The following C10orf67 variants were observed in gnomAD, a reference collection of about 807,000 sequenced individuals.
C10orf67 encodes the protein uncharacterized protein C10orf67, mitochondrial.
C10orf67 carries 60 observed loss-of-function variants against 35.6 expected under a neutral mutation model. That is an observed-to-expected ratio of 1.68 (90% CI 1.37 to 2.09). The LOEUF (loss-of-function observed/expected upper bound fraction) is 2.09, where lower values mean the gene tolerates loss of function less well. Ranked by LOEUF, C10orf67 falls within the 30% of genes most tolerant of loss-of-function variation. The probability of loss-of-function intolerance (pLI) is 0.00; values close to 1 mark genes in which losing one functional copy is unlikely to be tolerated. For synonymous variants in C10orf67, 167 were observed against 115.8 expected, an observed-to-expected ratio of 1.44 and a Z score of -2.84; for missense variants, 474 against 330.2, an observed-to-expected ratio of 1.44 and a Z score of -3.38.
At chr10:23,205,305 T>C (rs1177245727) in intron 15 of C10orf67, among the ~76,000 whole-genome samples, 1 of 152,206 alleles carries the variant, frequency 6.6e-6, no homozygotes, top group Non-Finnish European at 1.5e-5. Context: ...ATACAGAGCT[T>C]GTGAGATGCC....
At chr10:23,329,354 C>T (rs979985812) in intron 2 of C10orf67, among the ~76,000 whole-genome samples, 1 of 151,960 alleles carries the variant, frequency 6.6e-6, no homozygotes, top group African/African-American at 2.4e-5. Flanking sequence ...AATAGAAAAA[C>T]ATAACATCAA....
At chr10:23,280,210 C>T (rs1314460969) in intron 8 of C10orf67, among the ~76,000 whole-genome samples, 2 of 152,100 alleles carry the variant, frequency 1.3e-5, no homozygotes, top group Non-Finnish European at 2.9e-5. Context: ...TGACTTTTTG[C>T]ACTCTTAACA....
intron 12 of C10orf67, among the ~76,000 whole-genome samples, chr10:23,250,106 T>C (rs1414676960): frequency 1.3e-5 from 2 of 152,260 alleles, no homozygotes; most frequent in East Asian, 3.9e-4. Flanking sequence ...ATAAAGACAA[T>C]ACAAACTAGT....
Position 23,250,673 on chromosome 10 carries a change from A to T in C10orf67, c.1219T>A (p.Leu407Met), listed in dbSNP as rs1346140912. The T allele has an allele frequency of 1.0e-5, 4 of 398,628 alleles. No individual in the cohort carries two copies. The highest frequency in any genetic ancestry group is 1.8e-5 in the Non-Finnish European group (4 of 225,864). The allele number at this position is 398,628 out of a possible 1,614,324, so 24.7% of individuals were successfully genotyped here. Reference protein sequence around the residue: ...DQAVVEDKHGLESQIEALKAN... With the variant: ...DQAVVEDKHGMESQIEALKAN... Reference sequence around the variant, plus strand: ...TTTAATGCTTCTATTTGAGACTCCAAACCATGTTTGTCTTCAACCTTTCAA... The same window carrying T: ...TTTAATGCTTCTATTTGAGACTCCATACCATGTTTGTCTTCAACCTTTCAA... Residue 407 changes from leucine to methionine, a missense_variant, in exon 11 of 16, where the codon TTG (leucine) becomes ATG (methionine). Leu to Met is a conservative substitution (Grantham distance 15, BLOSUM62 2). Transcript: ENST00000636213.
chr10:23,237,847 C>T (rs1842088561), intron 13 of C10orf67, among the ~76,000 whole-genome samples: 1 of 152,174 alleles, frequency 6.6e-6, no homozygotes, highest in Non-Finnish European at 1.5e-5. Context: ...ATGCTCAATG[C>T]CTTGACTTAG....
intron 15 of C10orf67, among the ~76,000 whole-genome samples, chr10:23,206,867 G>T (rs775433884): frequency 1.3e-5 from 2 of 152,042 alleles, no homozygotes; most frequent in Non-Finnish European, 2.9e-5. Context: ...TCTTTCTGTG[G>T]ATAATTTAAA....
intron 8 of C10orf67, among the ~76,000 whole-genome samples, chr10:23,267,938 T>A (rs1403618611): frequency 6.6e-6 from 1 of 151,898 alleles, no homozygotes; most frequent in Non-Finnish European, 1.5e-5. Flanking sequence ...TTGAGAAATT[T>A]AAGATAATTT....
intron 8 of C10orf67, among the ~76,000 whole-genome samples, chr10:23,272,196 C>T (rs950097399): frequency 2.6e-5 from 4 of 152,190 alleles, no homozygotes; most frequent in African/African-American, 4.8e-5. Flanking sequence ...GGATTACAGG[C>T]GTGAGCCACC....
chr10:23,256,345 G>A (rs750795361), intron 10 of C10orf67, among the ~76,000 whole-genome samples: 8 of 152,040 alleles, frequency 5.3e-5, no homozygotes, highest in African/African-American at 1.4e-4. Flanking sequence ...CCTGGCTCCC[G>A]CTTAGGAAGC....
intron 10 of C10orf67, among the ~76,000 whole-genome samples, chr10:23,265,521 A>G (rs539462460): frequency 3.3e-5 from 5 of 152,346 alleles, no homozygotes; most frequent in East Asian, 3.9e-4. Context: ...TATGCCTTCT[A>G]AAAGGAGCCT....
chr10:23,204,387 G>C, intron 15 of C10orf67, 132 bp from the exon 16 acceptor site: 1 of 404,166 alleles, frequency 2.5e-6, no homozygotes, highest in Non-Finnish European at 4.4e-6. Flanking sequence ...CCCTAGCTGA[G>C]AGCCTCTTCA....
intron 12 of C10orf67, among the ~76,000 whole-genome samples, chr10:23,242,037 T>C (rs1842196799): frequency 6.6e-6 from 1 of 151,990 alleles, no homozygotes; most frequent in African/African-American, 2.4e-5. Context: ...AGTGGCACAA[T>C]CTTGGCTCAC....
At chr10:23,286,099 A>G (rs1843517778) in intron 7 of C10orf67, among the ~76,000 whole-genome samples, 1 of 151,986 alleles carries the variant, frequency 6.6e-6, no homozygotes, top group Non-Finnish European at 1.5e-5. Flanking sequence ...AACATTTTCA[A>G]TAAAGAACCA....
intron 4 of C10orf67, among the ~76,000 whole-genome samples, chr10:23,307,510 A>T (rs937254501): frequency 6.6e-6 from 1 of 152,180 alleles, no homozygotes; most frequent in Non-Finnish European, 1.5e-5. Flanking sequence ...ATGAATGTAC[A>T]GTAGAATTAA....
intron 15 of C10orf67, among the ~76,000 whole-genome samples, chr10:23,208,839 T>C (rs564788610): frequency 6.6e-6 from 1 of 152,222 alleles, no homozygotes; most frequent in Admixed American, 6.5e-5. Context: ...TCCTTGTGCA[T>C]TGGAGCCTGC....
chr10:23,216,101 G>A (rs1841423779), intron 15 of C10orf67, among the ~76,000 whole-genome samples: 1 of 152,172 alleles, frequency 6.6e-6, no homozygotes, highest in South Asian at 2.1e-4. Context: ...AGTGCATTAA[G>A]ACAGGAAGAA....
intron 4 of C10orf67, among the ~76,000 whole-genome samples, chr10:23,311,589 T>A (rs540741526): frequency 2.0e-5 from 3 of 152,130 alleles, no homozygotes; most frequent in Non-Finnish European, 2.9e-5. Flanking sequence ...CACATGCCTG[T>A]AATCCCAGCT....
At position 23,322,437 on chromosome 10, in the gene C10orf67, A is replaced by G. The variant is rs1415371178; in HGVS notation, c.428T>C (p.Ile143Thr). 1 of 1,609,726 alleles carries G rather than the reference A, an allele frequency of 6.2e-7. No individual in the cohort carries two copies. Among genetic ancestry groups the G allele is most frequent in the South Asian group, 1.1e-5 (1 of 90,938 alleles). Residue 143 changes from isoleucine (I) to threonine (T), a missense_variant, in exon 3 of 16, where the codon ATT becomes ACT. By Grantham distance (89) the Ile-to-Thr change is moderately conservative. Coordinates refer to ENST00000636213, the MANE Select transcript of C10orf67 (RefSeq NM_001371909.1). Reference protein sequence around the residue: ...LKEESLSLFTILHDRILEIEK... With the variant: ...LKEESLSLFTTLHDRILEIEK... Reference sequence around the variant, plus strand: ...AATTTCTAGGATCCTGTCATGCAGAATGGTGAAGAGACTCAAAGATTCCTC... The same window carrying G: ...AATTTCTAGGATCCTGTCATGCAGAGTGGTGAAGAGACTCAAAGATTCCTC...
intron 13 of C10orf67, among the ~76,000 whole-genome samples, chr10:23,234,777 G>A (rs985367226): frequency 6.6e-6 from 1 of 151,612 alleles, no homozygotes; most frequent in Non-Finnish European, 1.5e-5. Flanking sequence ...CACTTTGGGG[G>A]GCTGAGGCAG....
Sources: gnomAD v4.1 joint callset for allele counts (sites outside exome capture counted in the v4.1 genomes callset) on GRCh38, gnomAD v4.1.1 for gene constraint, MANE v1.5 for transcripts, NCBI Gene and HGNC (gene_info 2026-07-23, HGNC 2026-07-21) for gene names.